The following STAG3 variants were observed in gnomAD, a reference collection of about 807,000 sequenced individuals.
STAG3 encodes STAG3 cohesin complex component.
Under a neutral mutation model 160.7 loss-of-function variants are expected in STAG3, and 101 were observed. The observed-to-expected ratio is 0.63, with a 90% CI of 0.54 to 0.74. The LOEUF is 0.74. STAG3 is among the 30% of genes least tolerant of loss of function. The pLI, the probability that STAG3 is intolerant of heterozygous loss-of-function variation, is 0.00. For synonymous variants in STAG3, 519 were observed against 585.0 expected, an observed-to-expected ratio of 0.89 and a Z score of 1.63; for missense variants, 1,188 against 1,517.4, an observed-to-expected ratio of 0.78 and a Z score of 3.61.
chr7:100,215,841 A>G (rs12113874), downstream of STAG3, among the ~76,000 whole-genome samples: 363 of 152,298 alleles, frequency 2.4e-3, 2 homozygotes, highest in African/African-American at 8.2e-3. Flanking sequence ...AGAAGATGAT[A>G]GAAATGATGC....
chr7:100,211,745 G>C (rs775653835), intron 31 of STAG3, 50 bp from the exon 32 acceptor site: 10 of 1,592,274 alleles, frequency 6.3e-6, no homozygotes, highest in African/African-American at 5.4e-5. Context: ...AAACTCTCAG[G>C]GGTCCTCAAA....
At chr7:100,181,762 A>T (rs1326873812) in intron 2 of STAG3, among the ~76,000 whole-genome samples, 1 of 152,174 alleles carries the variant, frequency 6.6e-6, no homozygotes, top group Non-Finnish European at 1.5e-5. Flanking sequence ...ACCTTGGCCA[A>T]CACGGTGAAA....
intron 29 of STAG3, among the ~76,000 whole-genome samples, chr7:100,208,043 G>A (rs1488337079): frequency 1.3e-5 from 2 of 152,068 alleles, no homozygotes; most frequent in African/African-American, 2.4e-5. Flanking sequence ...GTGAACCCGG[G>A]AGGCGGAGCT....
At chr7:100,179,622 C>A (rs78886656) in intron 1 of STAG3, among the ~76,000 whole-genome samples, 4,217 of 152,252 alleles carry the variant, frequency 0.028, 77 homozygotes, top group Middle Eastern at 0.088. Context: ...GTGTCTGAAG[C>A]TACCCTGGTG....
chr7:100,189,053 G>A, intron 7 of STAG3, 37 bp downstream of exon 7: 2 of 1,607,552 alleles, frequency 1.2e-6, no homozygotes, highest in Non-Finnish European at 1.7e-6. Flanking sequence ...TTCTCCTGGG[G>A]ATTTATAGGA....
intron 2 of STAG3, among the ~76,000 whole-genome samples, chr7:100,181,225 G>T (rs1461153797): frequency 6.6e-6 from 1 of 152,098 alleles, no homozygotes; most frequent in Non-Finnish European, 1.5e-5. Context: ...TTTATTCTGT[G>T]TAGGTTATAA....
chr7:100,217,648 G>A (rs1286002647), downstream of STAG3, among the ~76,000 whole-genome samples: 2 of 152,144 alleles, frequency 1.3e-5, no homozygotes, highest in Non-Finnish European at 2.9e-5. Flanking sequence ...GGCAAAGGGG[G>A]CAGGGTAAGG....
At chr7:100,213,489 C>T (rs1271808845) in intron 32 of STAG3, 3 of 984,272 alleles carry the variant, frequency 3.0e-6, no homozygotes, top group African/African-American at 3.5e-5. Flanking sequence ...CCTAACATCT[C>T]AGAAAAAATC....
At chr7:100,204,300 T>C (rs146228972) in intron 26 of STAG3, among the ~76,000 whole-genome samples, 178 bp downstream of exon 26, 172 of 152,304 alleles carry the variant, frequency 1.1e-3, no homozygotes, top group African/African-American at 3.7e-3. Flanking sequence ...TTTTTTTAAC[T>C]GACTGGGCAA....
At chr7:100,187,181 G>A (rs1800061551) in intron 5 of STAG3, among the ~76,000 whole-genome samples, 3 of 152,064 alleles carry the variant, frequency 2.0e-5, no homozygotes, top group Admixed American at 6.6e-5. Flanking sequence ...ACAGGCGAGT[G>A]CCACCATACG....
intron 5 of STAG3, among the ~76,000 whole-genome samples, chr7:100,188,108 T>C (rs968087269): frequency 1.9e-4 from 29 of 152,314 alleles, no homozygotes; most frequent in Admixed American, 5.9e-4. Flanking sequence ...AAAGCACATA[T>C]TCCTCAGGAA....
At chr7:100,208,602 C>T (rs1584769348) in intron 29 of STAG3, among the ~76,000 whole-genome samples, 1 of 152,268 alleles carries the variant, frequency 6.6e-6, no homozygotes, top group East Asian at 1.9e-4. Flanking sequence ...GCATAGAAGG[C>T]TGTGTGCTGG....
Position 100,184,362 on chromosome 7 carries a change from T to G in STAG3, c.336+1523T>G, listed in dbSNP as rs577344706. On this transcript the variant is annotated intron_variant, in intron 4 of 33. Transcript: ENST00000615138. ...TATCTTTTCTGTTTCTTTTTCCACC[T>G]TTGCTTGCCTTCCTTTGGATTTCTT... 2.0e-5 allele frequency among the ~76,000 whole-genome samples: 3 copies of G among 152,194 alleles called. No individual in the cohort carries two copies. In the East Asian group the frequency reaches 5.8e-4, roughly 29 times the overall value.
intron 32 of STAG3, chr7:100,212,874 C>T (rs1396153204): frequency 6.6e-6 from 1 of 152,094 alleles, no homozygotes; most frequent in Non-Finnish European, 1.5e-5. Flanking sequence ...ACATAGTAAA[C>T]ACGTGTCTCT....
chr7:100,202,695 A>G, intron 25 of STAG3, 105 bp downstream of exon 25: 1 of 1,434,642 alleles, frequency 7.0e-7, no homozygotes, highest in Non-Finnish European at 9.3e-7. Flanking sequence ...AATGGTTTCA[A>G]GCTTAAAGGA....
At chr7:100,199,463 G>A in intron 15 of STAG3, 78 bp from the exon 16 acceptor site, 1 of 1,547,870 alleles carries the variant, frequency 6.5e-7, no homozygotes, top group Non-Finnish European at 8.9e-7. Context: ...CAGCAACGGT[G>A]GCATCGGGTG....
At chr7:100,192,909 A>G (rs1012096680) in intron 8 of STAG3, among the ~76,000 whole-genome samples, 1 of 152,230 alleles carries the variant, frequency 6.6e-6, no homozygotes, top group Non-Finnish European at 1.5e-5. Context: ...TTTTAAATGG[A>G]CTTTGCCCAA....
chr7:100,201,657 A>G (rs1050886677), intron 21 of STAG3, 129 bp from the exon 22 acceptor site: 2 of 815,408 alleles, frequency 2.5e-6, no homozygotes, highest in Admixed American at 2.1e-5. Flanking sequence ...AATATCACTC[A>G]TTTTCCACTG....
At chr7:100,197,596 G>A in intron 10 of STAG3, 182 bp from the exon 11 acceptor site, 2 of 669,770 alleles carry the variant, frequency 3.0e-6, no homozygotes, top group Non-Finnish European at 5.4e-6. Context: ...GTACTGCTGT[G>A]ATCCTTTTGT....
Sources: gnomAD v4.1 joint callset for allele counts (sites outside exome capture counted in the v4.1 genomes callset) on GRCh38, gnomAD v4.1.1 for gene constraint, MANE v1.5 for transcripts, NCBI Gene and HGNC (gene_info 2026-07-23, HGNC 2026-07-21) for gene names.